PTK2: variants seen among roughly 807,000 people sequenced by gnomAD.
PTK2 encodes focal adhesion kinase 1.
Under a neutral mutation model 150.1 loss-of-function variants are expected in PTK2, and 45 were observed. That is an observed-to-expected ratio of 0.30 (90% confidence interval 0.24 to 0.38). PTK2 has a LOEUF of 0.38. Ranked by LOEUF, PTK2 falls within the 10% of genes least tolerant of loss-of-function variation. The pLI is 1.00. For synonymous variants in PTK2, 432 were observed against 449.2 expected (o/e 0.96, Z 0.48); for missense variants, 919 against 1,307.3 (o/e 0.70, Z 4.58).
At position 140,696,245 on chromosome 8, in the gene PTK2, T is replaced by C. The variant is rs139305284; in HGVS notation, c.2499+4646A>G. On this transcript the variant is annotated intron_variant, in intron 26 of 31. Coordinates refer to ENST00000522684, the Ensembl canonical transcript of PTK2. The stretch of plus-strand genomic sequence containing the variant: ...AGGAGACAGGAAAACAAGTGAGACA[T>C]TGTCATACAGTGAGAAACATTAGAA... Among the ~76,000 whole-genome samples the C allele has an allele frequency of 4.9e-4, 74 of 152,286 alleles. No individual in the cohort carries two copies. The East Asian group carries it at 0.01, about 21-fold the overall frequency.
chr8:140,689,800 G>A (rs886791220), intron 26 of PTK2, among the ~76,000 whole-genome samples: 1 of 152,206 alleles, frequency 6.6e-6, no homozygotes, highest in Non-Finnish European at 1.5e-5. Context: ...AAAAAACTCT[G>A]AAACTATCCT....
chr8:140,865,887 C>T (rs889906427), intron 4 of PTK2, among the ~76,000 whole-genome samples: 6 of 152,230 alleles, frequency 3.9e-5, no homozygotes, highest in South Asian at 2.1e-4. Flanking sequence ...CGGGCTCAAG[C>T]GATCCTCCCA....
intron 31 of PTK2, among the ~76,000 whole-genome samples, chr8:140,661,219 A>G (rs1041232253): frequency 6.6e-6 from 1 of 152,208 alleles, no homozygotes; most frequent in Admixed American, 6.5e-5. Context: ...AGAATGACAA[A>G]ATCTAGAGAG....
intron 31 of PTK2, chr8:140,660,570 C>A (rs755472056): frequency 4.4e-6 from 2 of 452,672 alleles, no homozygotes; most frequent in Admixed American, 4.7e-5. Context: ...CAAAAAAATA[C>A]AAAAAGTTAG....
chr8:140,900,646 C>T (rs138719516), intron 2 of PTK2, among the ~76,000 whole-genome samples: 10 of 151,866 alleles, frequency 6.6e-5, no homozygotes, highest in Admixed American at 2.0e-4. Context: ...AGCTTGAACC[C>T]GGGAGGTGGG....
intron 7 of PTK2, among the ~76,000 whole-genome samples, chr8:140,833,901 T>C (rs1005417898): frequency 1.3e-5 from 2 of 152,220 alleles, no homozygotes; most frequent in African/African-American, 4.8e-5. Flanking sequence ...AGAAACCTCT[T>C]GAACCCATAC....
intron 1 of PTK2, among the ~76,000 whole-genome samples, chr8:140,998,878 A>G (rs1173283147): frequency 1.3e-5 from 2 of 152,134 alleles, no homozygotes; most frequent in Non-Finnish European, 1.5e-5. Context: ...TAGAAAGAAC[A>G]GTTATCTGAC....
chr8:140,815,791 GA>G (rs1428290940), intron 10 of PTK2, among the ~76,000 whole-genome samples: 5 of 151,822 alleles, frequency 3.3e-5, no homozygotes, highest in African/African-American at 7.3e-5. Flanking sequence ...TGATAAAGGA[GA>G]AAAAGGATCA....
chr8:140,779,810 G>A (rs576536575), intron 14 of PTK2, among the ~76,000 whole-genome samples: 5 of 152,216 alleles, frequency 3.3e-5, no homozygotes, highest in Admixed American at 6.5e-5. Flanking sequence ...TAAGTAAGGC[G>A]ATATTTTCCT....
rs74916636 is a variant in PTK2 at position 140,962,502 on chromosome 8, G to T, written c.-121-36753C>A. Reference sequence around the variant, plus strand: ...AGGGGCCTGAGGGGCCTCCTGTATAGGACACACAGCTCGAGCATACTCTAC... The same window carrying T: ...AGGGGCCTGAGGGGCCTCCTGTATATGACACACAGCTCGAGCATACTCTAC... On this transcript the variant is annotated intron_variant, in intron 1 of 31. Coordinates refer to ENST00000522684, the Ensembl canonical transcript of PTK2. Among the ~76,000 whole-genome samples the T allele has an allele frequency of 4.3e-3, 659 of 152,224 alleles. 4 individuals are homozygous for T. The highest frequency in any genetic ancestry group is 0.015 in the African/African-American group (628 of 41,536).
chr8:140,744,789 G>GAAAAAAAAA (rs372806706), intron 18 of PTK2, 22 bp from the exon 22 acceptor site: 24 of 668,246 alleles, frequency 3.6e-5, no homozygotes, highest in East Asian at 1.3e-4. Flanking sequence ...ATGACCAAAA[G>GAAAAAAAAA]AAAAAAAAAA....
chr8:140,925,739 C>T (rs180750125), exon 2 of PTK2: 1 of 780,522 alleles, frequency 1.3e-6, no homozygotes, highest in East Asian at 1.3e-4. Flanking sequence ...GCAAGGGAGC[C>T]CCAGTTCTGC....
intron 4 of PTK2, among the ~76,000 whole-genome samples, chr8:140,875,574 C>T (rs1307049481): frequency 1.3e-5 from 2 of 152,170 alleles, no homozygotes; most frequent in Non-Finnish European, 1.5e-5. Flanking sequence ...AGTTTCTGAG[C>T]CCAAATGATT....
At chr8:140,962,089 T>A (rs1448589889) in intron 1 of PTK2, among the ~76,000 whole-genome samples, 3 of 150,978 alleles carry the variant, frequency 2.0e-5, no homozygotes, top group Admixed American at 2.0e-4. Context: ...CTAAAAAAAA[T>A]ACAAAAATTA....
chr8:140,765,848 T>A (rs559436732), intron 14 of PTK2, among the ~76,000 whole-genome samples: 9 of 152,074 alleles, frequency 5.9e-5, no homozygotes, highest in African/African-American at 2.2e-4. Flanking sequence ...AGGGGAGGAA[T>A]CTACTCTAAC....
chr8:140,704,939 C>A (rs1199726233), intron 24 of PTK2, among the ~76,000 whole-genome samples: 1 of 152,148 alleles, frequency 6.6e-6, no homozygotes, highest in Non-Finnish European at 1.5e-5. Context: ...GCTGAATGAA[C>A]AGACAGGTGC....
At chr8:140,896,737 C>A (rs1254239679) in intron 2 of PTK2, among the ~76,000 whole-genome samples, 1 of 135,680 alleles carries the variant, frequency 7.4e-6, no homozygotes, top group African/African-American at 2.6e-5. Context: ...CAGCATTGTT[C>A]TGGAAGTCAC....
intron 2 of PTK2, among the ~76,000 whole-genome samples, chr8:140,892,938 A>G (rs895542549): frequency 6.6e-6 from 1 of 152,254 alleles, no homozygotes; most frequent in Non-Finnish European, 1.5e-5. Flanking sequence ...ATAGTTTGGC[A>G]GTTCCTCAAA....
intron 1 of PTK2, among the ~76,000 whole-genome samples, chr8:140,980,877 A>G (rs1316137043): frequency 1.3e-5 from 2 of 149,320 alleles, no homozygotes; most frequent in African/African-American, 4.9e-5. Flanking sequence ...CAGCCTCCTG[A>G]GTAGCCAGGA....
Sources: gnomAD v4.1 joint callset for allele counts (sites outside exome capture counted in the v4.1 genomes callset) on GRCh38, gnomAD v4.1.1 for gene constraint, MANE v1.5 for transcripts, NCBI Gene and HGNC (gene_info 2026-07-23, HGNC 2026-07-21) for gene names.